Variants in PALLD observed in about 807,000 individuals in gnomAD.
PALLD encodes the protein palladin.
A neutral mutation model predicts 123.5 loss-of-function variants in PALLD; 61 were observed. The observed-to-expected ratio is 0.49, with a 90% CI of 0.40 to 0.61. The LOEUF is 0.61. PALLD is among the 20% of genes least tolerant of loss of function. PALLD has a pLI of 0.00. For synonymous variants in PALLD, 465 were observed against 496.4 expected, an observed-to-expected ratio of 0.94 and a Z score of 0.84; for missense variants, 1,273 against 1,377.0, an observed-to-expected ratio of 0.92 and a Z score of 1.20.
chr4:168,924,453 C>T (rs1351733867), intron 19 of PALLD, 33 bp downstream of exon 19: 1 of 1,566,896 alleles, frequency 6.4e-7, no homozygotes, highest in Non-Finnish European at 8.8e-7. Flanking sequence ...TGATCCTTAA[C>T]TGTTCAGTCC....
At chr4:168,904,730 A>G (rs1019510899) in intron 15 of PALLD, among the ~76,000 whole-genome samples, 17 of 152,348 alleles carry the variant, frequency 1.1e-4, no homozygotes, top group African/African-American at 3.4e-4. Context: ...TCATCTTTTT[A>G]GAATCTCTGA....
intron 2 of PALLD, among the ~76,000 whole-genome samples, chr4:168,554,192 G>A (rs13146985): frequency 0.52 from 79,299 of 151,936 alleles, 21,020 homozygotes; most frequent in East Asian, 0.83. Context: ...TGAAATATTT[G>A]CCACCTGAAA....
chr4:168,561,736 G>T (rs1767888643), intron 2 of PALLD, among the ~76,000 whole-genome samples: 1 of 152,046 alleles, frequency 6.6e-6, no homozygotes, highest in African/African-American at 2.4e-5. Flanking sequence ...CTTTAAAGAG[G>T]ATTTCCAAAG....
rs1372942062 is a variant in PALLD, at chr4:168,711,932, T to C, written c.1964+9T>C. On this transcript the variant is annotated intron_variant, in intron 10 of 21. Coordinates refer to ENST00000505667, the MANE Select transcript of PALLD (RefSeq NM_001166108.2). ...CTTGCCAAACCAAAACTGTGAGTAT[T>C]TCTGCATGGTTTTATAATAATTTCC... 2 of 1,602,848 alleles carry C rather than the reference T, an allele frequency of 1.2e-6. No homozygotes were observed. Among genetic ancestry groups the C allele is most frequent in the Non-Finnish European group, 1.7e-6 (2 of 1,169,980 alleles).
intron 10 of PALLD, chr4:168,877,624 C>G: frequency 1.9e-6 from 1 of 517,164 alleles, no homozygotes; most frequent in Non-Finnish European, 2.6e-6. Flanking sequence ...CTGCAGCTGG[C>G]CTAAGTGCCA....
chr4:168,530,205 G>A (rs1764472925), intron 2 of PALLD, among the ~76,000 whole-genome samples: 1 of 152,156 alleles, frequency 6.6e-6, no homozygotes, highest in Non-Finnish European at 1.5e-5. Flanking sequence ...TCTCAAATCT[G>A]GAAGTCTGAT....
At chr4:168,599,911 C>T (rs1413530706) in intron 2 of PALLD, among the ~76,000 whole-genome samples, 2 of 152,052 alleles carry the variant, frequency 1.3e-5, no homozygotes, top group Non-Finnish European at 2.9e-5. Flanking sequence ...CACACACACA[C>T]ACATATATAT....
intron 10 of PALLD, among the ~76,000 whole-genome samples, chr4:168,847,828 T>C (rs370069179): frequency 4.6e-4 from 70 of 152,258 alleles, no homozygotes; most frequent in Admixed American, 8.5e-4. Context: ...TATACTCTTA[T>C]ACTTTCTGAT....
chr4:168,887,312 C>T (rs540037351), intron 10 of PALLD, among the ~76,000 whole-genome samples: 134 of 152,202 alleles, frequency 8.8e-4, no homozygotes, highest in Admixed American at 2.7e-3. Context: ...AGAAATGCTT[C>T]CCAAGGAACA....
chr4:168,863,556 C>T (rs1221227125), intron 10 of PALLD, among the ~76,000 whole-genome samples: 1 of 152,096 alleles, frequency 6.6e-6, no homozygotes, highest in East Asian at 1.9e-4. Context: ...GCAGGGCCCA[C>T]TCTGTCAGTG....
chr4:168,823,041 A>T (rs988151781), intron 10 of PALLD, among the ~76,000 whole-genome samples: 1 of 151,840 alleles, frequency 6.6e-6, no homozygotes, highest in African/African-American at 2.4e-5. Context: ...TTTCTCCATT[A>T]AAAAAAATAG....
intron 2 of PALLD, among the ~76,000 whole-genome samples, chr4:168,625,349 A>T (rs1284378112): frequency 6.6e-6 from 1 of 151,928 alleles, no homozygotes; most frequent in Non-Finnish European, 1.5e-5. Flanking sequence ...AGCAAAGCAC[A>T]GGCAACAGAA....
intron 10 of PALLD, among the ~76,000 whole-genome samples, chr4:168,737,144 G>A (rs767732035): frequency 2.0e-5 from 3 of 152,154 alleles, no homozygotes; most frequent in Non-Finnish European, 2.9e-5. Context: ...TAAACACCCA[G>A]ATTTAATCTG....
intron 2 of PALLD, among the ~76,000 whole-genome samples, chr4:168,634,757 C>T (rs891745272): frequency 8.5e-5 from 13 of 152,238 alleles, no homozygotes; most frequent in African/African-American, 3.1e-4. Context: ...TGAAGTGTAG[C>T]GTAAAGAAAA....
rs568365937 is a variant in PALLD, at chr4:168,866,232, T to A, written c.1965-24690T>A. On this transcript the variant is annotated intron_variant, in intron 10 of 21. Transcript: ENST00000505667. Reference sequence around the variant, plus strand: ...GTGAGCCAAGATGACACCACTTTACTCCAGCCTGGGTGACAGAGCAAGACC... The same window carrying A: ...GTGAGCCAAGATGACACCACTTTACACCAGCCTGGGTGACAGAGCAAGACC... Among the ~76,000 whole-genome samples, 8 of 152,306 alleles carry A rather than the reference T, an allele frequency of 5.3e-5. No homozygotes were observed. The South Asian group carries it at 1.5e-3, about 28-fold the overall frequency.
rs867880065 is a variant in PALLD at position 168,898,636 on chromosome 4, G to A, written c.2394G>A (p.Met798Ile). Residue 798 changes from methionine (M) to isoleucine (I), a missense_variant, in exon 14 of 22, where the codon ATG (methionine) becomes ATA (isoleucine). By Grantham distance (10) the Met-to-Ile change is conservative. Coordinates refer to ENST00000505667, the MANE Select transcript of PALLD (RefSeq NM_001166108.2). ...ATGGAATGGCACCATTCTTTGAGAT[G>A]AAGCTGAAACATTACAAGATCTTTG... Reference protein sequence around the residue: ...VENGMAPFFEMKLKHYKIFEG... With the variant: ...VENGMAPFFEIKLKHYKIFEG... The A allele has an allele frequency of 1.2e-6, 2 of 1,614,124 alleles. No homozygotes were observed. Among genetic ancestry groups the A allele is most frequent in the Non-Finnish European group, 1.7e-6 (2 of 1,179,954 alleles).
chr4:168,886,794 G>A (rs910924535), intron 10 of PALLD, among the ~76,000 whole-genome samples: 5 of 152,092 alleles, frequency 3.3e-5, no homozygotes, highest in African/African-American at 1.2e-4. Context: ...CTTCATACTG[G>A]TAATCTTGAT....
rs200224918 is a variant in PALLD at position 168,786,823 on chromosome 4, TATTA to T, written c.1964+74906_1964+74909del. 1.1e-3 allele frequency among the ~76,000 whole-genome samples: 161 copies of T among 152,304 alleles called. 3 individuals carry two copies. In the East Asian group the frequency reaches 0.029, roughly 27 times the overall value. On this transcript the variant is annotated intron_variant, in intron 10 of 21. Coordinates refer to ENST00000505667, the MANE Select transcript of PALLD (RefSeq NM_001166108.2). ...ACTGGATAGAAAATTATAACACTGT[TATTA>T]ATTAAAATTGTTATACAAAATTTGA...
In PALLD at chr4:168,849,955, G is replaced by A. The variant is rs1428952119; in HGVS notation, c.1965-40967G>A. ...TATTTATTTTATTATGTATACTTAC[G>A]AATGCATTTGCTCATCTTTGGTGTC... On this transcript the variant is annotated intron_variant, in intron 10 of 21. Coordinates refer to ENST00000505667, the MANE Select transcript of PALLD (RefSeq NM_001166108.2). Among the ~76,000 whole-genome samples, 8 of 151,966 alleles carry A rather than the reference G, an allele frequency of 5.3e-5. No individual in the cohort carries two copies. The East Asian group carries it at 5.8e-4, about 11-fold the overall frequency.
Sources: allele counts gnomAD v4.1 joint callset (sites outside exome capture counted in the v4.1 genomes callset), GRCh38; gene constraint gnomAD v4.1.1; transcripts MANE v1.5; gene names NCBI Gene and HGNC (gene_info 2026-07-23, HGNC 2026-07-21).